Variants in METTL15 observed in about 807,000 individuals in gnomAD.
METTL15 encodes the protein 12S rRNA N(4)-cytidine methyltransferase METTL15.
METTL15 carries 34 observed loss-of-function variants against 38.3 expected under a neutral mutation model. The ratio of observed to expected loss-of-function variants is 0.89; its 90% confidence interval spans 0.68 to 1.18. The LOEUF (loss-of-function observed/expected upper bound fraction) is 1.18. Ranked by LOEUF, METTL15 falls within the 50% of genes most tolerant of loss-of-function variation. The probability of loss-of-function intolerance (pLI) is 0.00; values close to 1 mark genes in which losing one functional copy is unlikely to be tolerated. For synonymous variants in METTL15, 162 were observed against 170.9 expected (o/e 0.95, Z 0.41); for missense variants, 438 against 498.4 (o/e 0.88, Z 1.15).
chr11:28,313,860 G>A (rs1857390104), intron 6 of METTL15, among the ~76,000 whole-genome samples: 1 of 151,992 alleles, frequency 6.6e-6, no homozygotes, highest in Non-Finnish European at 1.5e-5. Flanking sequence ...TTGGAAGGTG[G>A]ATATTTTCTA....
chr11:28,523,995 C>T (rs1851788327), intron 6 of METTL15, among the ~76,000 whole-genome samples: 1 of 152,178 alleles, frequency 6.6e-6, no homozygotes, highest in African/African-American at 2.4e-5. Flanking sequence ...GGATAGATCC[C>T]TAAAATGCGT....
intron 6 of METTL15, among the ~76,000 whole-genome samples, chr11:28,307,995 G>A (rs1857140386): frequency 6.6e-6 from 1 of 151,986 alleles, no homozygotes; most frequent in South Asian, 2.1e-4. Context: ...ATGAGAGTAT[G>A]TTGCTACATT....
chr11:28,440,974 A>G (rs1456433213), intron 6 of METTL15, among the ~76,000 whole-genome samples: 1 of 151,516 alleles, frequency 6.6e-6, no homozygotes, highest in Non-Finnish European at 1.5e-5. Flanking sequence ...TAAAATTCAC[A>G]TTGGATTTTG....
intron 5 of METTL15, among the ~76,000 whole-genome samples, chr11:28,411,899 AAAAC>A (rs1850730801): frequency 6.6e-6 from 1 of 152,090 alleles, no homozygotes; most frequent in East Asian, 1.9e-4. Flanking sequence ...CAATTGCAGG[AAAAC>A]AAACAACCTG....
At chr11:28,394,144 C>T (rs1220010551) in intron 5 of METTL15, among the ~76,000 whole-genome samples, 1 of 151,828 alleles carries the variant, frequency 6.6e-6, no homozygotes, top group Non-Finnish European at 1.5e-5. Flanking sequence ...AAAGAAGTGG[C>T]AGAGCAGAGA....
At chr11:28,520,957 C>A (rs1414538817) in intron 6 of METTL15, among the ~76,000 whole-genome samples, 1 of 151,924 alleles carries the variant, frequency 6.6e-6, no homozygotes, top group Non-Finnish European at 1.5e-5. Flanking sequence ...CCATTTTGGG[C>A]CTTGGCCAGT....
intron 6 of METTL15, among the ~76,000 whole-genome samples, chr11:28,498,304 G>A (rs760896918): frequency 4.6e-5 from 7 of 151,844 alleles, no homozygotes; most frequent in Non-Finnish European, 7.4e-5. Context: ...GACTATAGGC[G>A]CCCACCACCA....
At chr11:28,404,328 C>G in intron 5 of METTL15, among the ~76,000 whole-genome samples, 1 of 152,080 alleles carries the variant, frequency 6.6e-6, no homozygotes, top group East Asian at 1.9e-4. Context: ...ACAAAGTATA[C>G]CCTAAATTGA....
intron 5 of METTL15, among the ~76,000 whole-genome samples, chr11:28,409,375 C>T (rs553947607): frequency 2.0e-5 from 2 of 100,982 alleles, no homozygotes; most frequent in Non-Finnish European, 3.7e-5. Context: ...GAGCGAGACT[C>T]CGTCTCAAAA....
intron 5 of METTL15, among the ~76,000 whole-genome samples, chr11:28,415,476 A>G (rs1850764825): frequency 1.3e-5 from 2 of 152,350 alleles, no homozygotes; most frequent in South Asian, 2.1e-4. Flanking sequence ...TCAATGAAGA[A>G]TATGTATACA....
chr11:28,177,432 T>A (rs1464539635), intron 3 of METTL15, among the ~76,000 whole-genome samples: 2 of 152,040 alleles, frequency 1.3e-5, no homozygotes, highest in Non-Finnish European at 1.5e-5. Flanking sequence ...AGCAGATGTT[T>A]CATTCGAGAC....
chr11:28,176,110 A>G (rs1361652845), intron 3 of METTL15, among the ~76,000 whole-genome samples: 3 of 152,024 alleles, frequency 2.0e-5, no homozygotes, highest in African/African-American at 7.2e-5. Flanking sequence ...GAAGGAAATC[A>G]TAGATTTTTA....
At chr11:28,368,143 C>CAAAA (rs1421370868) in intron 5 of METTL15, among the ~76,000 whole-genome samples, 1 of 87,074 alleles carries the variant, frequency 1.1e-5, no homozygotes, top group East Asian at 4.3e-4. Flanking sequence ...AAAAAAAAAA[C>CAAAA]AAAAAAAACA....
At chr11:28,325,128 C>G (rs1849592876) in intron 6 of METTL15, among the ~76,000 whole-genome samples, 1 of 152,178 alleles carries the variant, frequency 6.6e-6, no homozygotes, top group Non-Finnish European at 1.5e-5. Flanking sequence ...CTCTGGGTGG[C>G]TGCACCTGCA....
At chr11:28,359,239 C>T (rs946067215) in intron 4 of METTL15, among the ~76,000 whole-genome samples, 7 of 152,106 alleles carry the variant, frequency 4.6e-5, no homozygotes, top group Non-Finnish European at 1.0e-4. Context: ...CCAGCCATAC[C>T]CATGTTGCTG....
intron 4 of METTL15, among the ~76,000 whole-genome samples, chr11:28,279,777 G>A (rs146621994): frequency 6.7e-4 from 102 of 152,206 alleles, no homozygotes; most frequent in African/African-American, 2.3e-3. Context: ...GCTTGTGCCT[G>A]TAATCCCAGC....
intron 5 of METTL15, among the ~76,000 whole-genome samples, chr11:28,378,312 C>CGTGGG (rs1344344830): frequency 6.6e-6 from 1 of 152,208 alleles, no homozygotes; most frequent in Non-Finnish European, 1.5e-5. Context: ...AGCGATACTC[C>CGTGGG]GTGGGGTAGG....
At chr11:28,298,791 G>A (rs1565235270) in intron 6 of METTL15, among the ~76,000 whole-genome samples, 1 of 151,996 alleles carries the variant, frequency 6.6e-6, no homozygotes, top group Non-Finnish European at 1.5e-5. Flanking sequence ...TTAAATATCA[G>A]TCTATAATAA....
At chr11:28,326,607 C>T (rs575761081) in intron 6 of METTL15, among the ~76,000 whole-genome samples, 1 of 152,054 alleles carries the variant, frequency 6.6e-6, no homozygotes, top group East Asian at 1.9e-4. Context: ...GACAGAGTCT[C>T]ACTCTGTCGC....
Sources: gnomAD v4.1 joint callset for allele counts (sites outside exome capture counted in the v4.1 genomes callset) on GRCh38, gnomAD v4.1.1 for gene constraint, MANE v1.5 for transcripts, NCBI Gene and HGNC (gene_info 2026-07-23, HGNC 2026-07-21) for gene names.